The following DNAH9 variants were observed in gnomAD, a reference collection of about 807,000 sequenced individuals.
DNAH9 encodes the protein DNAH9 variant protein.
Under a neutral mutation model 471.6 loss-of-function variants are expected in DNAH9, and 345 were observed. The ratio of observed to expected loss-of-function variants is 0.73; its 90% CI spans 0.67 to 0.80. The LOEUF (loss-of-function observed/expected upper bound fraction) is 0.80, where lower values mean the gene tolerates loss of function less well. DNAH9 is among the 30% of genes least tolerant of loss of function. DNAH9 has a pLI of 0.00. For missense variants in DNAH9, 5,407 were observed against 5,609.2 expected, an observed-to-expected ratio of 0.96 and a Z score of 1.15; for synonymous variants, 2,093 against 2,123.6, an observed-to-expected ratio of 0.99 and a Z score of 0.40.
At chr17:11,726,768 G>A (rs2075159676) in intron 27 of DNAH9, among the ~76,000 whole-genome samples, 1 of 152,130 alleles carries the variant, frequency 6.6e-6, no homozygotes, top group African/African-American at 2.4e-5. Context: ...CCCACTGAAG[G>A]CTGGGCATGG....
intron 17 of DNAH9, among the ~76,000 whole-genome samples, chr17:11,670,303 C>A (rs2073952505): frequency 6.6e-6 from 1 of 152,218 alleles, no homozygotes; most frequent in African/African-American, 2.4e-5. Context: ...CTAGACCACC[C>A]AGCCCAGCAC....
chr17:11,620,037 G>A (rs1391394892), intron 6 of DNAH9: 5 of 470,698 alleles, frequency 1.1e-5, no homozygotes, highest in Non-Finnish European at 1.9e-5. Context: ...ATGGCAAAAC[G>A]CCTTCTCTAC....
intron 36 of DNAH9, among the ~76,000 whole-genome samples, chr17:11,765,872 G>A (rs75081180): frequency 0.021 from 3,167 of 152,272 alleles, 125 homozygotes; most frequent in African/African-American, 0.073. Context: ...CTGGGAAAAC[G>A]TCAGACAGCG....
At chr17:11,768,312 G>A in intron 36 of DNAH9, 141 bp from the exon 37 acceptor site, 1 of 845,372 alleles carries the variant, frequency 1.2e-6, no homozygotes, top group South Asian at 1.7e-5. Flanking sequence ...CTGCCTTCCT[G>A]GAGGAGCTGG....
At chr17:11,891,357 G>GTT (rs113389875) in intron 57 of DNAH9, among the ~76,000 whole-genome samples, 1 of 152,010 alleles carries the variant, frequency 6.6e-6, no homozygotes, top group African/African-American at 2.4e-5. Context: ...CATTTCTTTG[G>GTT]TTTTTTTTGT....
intron 67 of DNAH9, among the ~76,000 whole-genome samples, chr17:11,944,793 C>T (rs192156810): frequency 3.3e-5 from 5 of 152,184 alleles, no homozygotes; most frequent in East Asian, 3.9e-4. Context: ...CCTGGAAGTC[C>T]GTAATGTTTC....
rs544568843 is a variant in DNAH9 at position 11,879,858 on chromosome 17, C to T, written c.10479-220C>T. 3.3e-5 allele frequency among the ~76,000 whole-genome samples: 5 copies of T among 152,250 alleles called. No individual in the cohort carries two copies. In the South Asian group the frequency reaches 6.2e-4, roughly 19 times the overall value. ...GAAGACACATTATGGTTTTCATTAT[C>T]TTTTTTGTATTTTATAATTTCTCCC... On this transcript the variant is annotated intron_variant, in intron 53 of 68. Coordinates refer to ENST00000262442, the MANE Select transcript of DNAH9 (RefSeq NM_001372.4).
chr17:11,926,035 G>GAAA (rs71142253), intron 62 of DNAH9, among the ~76,000 whole-genome samples: 1,127 of 59,974 alleles, frequency 0.019, 128 homozygotes, highest in African/African-American at 0.026. Context: ...GAGATTCTCT[G>GAAA]AAAAAAAAAA....
chr17:11,786,530 A>G (rs1477019174), intron 41 of DNAH9, among the ~76,000 whole-genome samples: 2 of 152,206 alleles, frequency 1.3e-5, no homozygotes, highest in Non-Finnish European at 2.9e-5. Context: ...CTTTACATCT[A>G]TGAATGCACT....
intron 45 of DNAH9, among the ~76,000 whole-genome samples, chr17:11,816,173 G>A (rs190840701): frequency 6.6e-6 from 1 of 152,164 alleles, no homozygotes; most frequent in Non-Finnish European, 1.5e-5. Flanking sequence ...GTATTGAAAC[G>A]AGATTGTAAA....
At chr17:11,680,935 C>CTT in intron 19 of DNAH9, 46 bp downstream of exon 19, 2 of 1,524,522 alleles carry the variant, frequency 1.3e-6, no homozygotes, top group Non-Finnish European at 1.8e-6. Flanking sequence ...ACACTGCAGT[C>CTT]TTTGAGTCAT....
At chr17:11,827,121 G>A (rs993683773) in intron 48 of DNAH9, among the ~76,000 whole-genome samples, 6 of 152,000 alleles carry the variant, frequency 3.9e-5, no homozygotes, top group South Asian at 2.1e-4. Flanking sequence ...CACCATGCCT[G>A]GCCGAGTCCC....
intron 68 of DNAH9, among the ~76,000 whole-genome samples, chr17:11,968,606 T>A (rs1211962002): frequency 6.6e-6 from 1 of 152,242 alleles, no homozygotes; most frequent in Non-Finnish European, 1.5e-5. Flanking sequence ...TGTGGTAGTG[T>A]ATGTTGTAAA....
intron 15 of DNAH9, among the ~76,000 whole-genome samples, chr17:11,666,596 T>C (rs1464728154): frequency 6.6e-6 from 1 of 152,146 alleles, no homozygotes; most frequent in Non-Finnish European, 1.5e-5. Context: ...AGATAAAATT[T>C]GAAAGGCACT....
At chr17:11,849,030 G>T (rs958556265) in intron 49 of DNAH9, among the ~76,000 whole-genome samples, 1 of 152,098 alleles carries the variant, frequency 6.6e-6, no homozygotes, top group African/African-American at 2.4e-5. Context: ...TAGAGACAGG[G>T]TTTCACCGTG....
intron 42 of DNAH9, 57 bp downstream of exon 42, chr17:11,793,721 A>C: frequency 1.6e-6 from 2 of 1,277,640 alleles, no homozygotes; most frequent in South Asian, 1.5e-5. Flanking sequence ...ATAATTATAC[A>C]GATGATCACC....
At chr17:11,628,576 G>A (rs1057491074) in intron 6 of DNAH9, among the ~76,000 whole-genome samples, 1 of 152,194 alleles carries the variant, frequency 6.6e-6, no homozygotes, top group Non-Finnish European at 1.5e-5. Flanking sequence ...CACGCCCAGC[G>A]AGGGCGCCCT....
intron 65 of DNAH9, among the ~76,000 whole-genome samples, chr17:11,934,480 C>T (rs1451352884): frequency 1.8e-5 from 2 of 112,396 alleles, no homozygotes; most frequent in East Asian, 5.8e-4. Context: ...GAGTCTTGCT[C>T]TGGCGCCCAG....
chr17:11,763,950 G>A (rs1567784778), intron 36 of DNAH9, among the ~76,000 whole-genome samples: 1 of 152,182 alleles, frequency 6.6e-6, no homozygotes, highest in Non-Finnish European at 1.5e-5. Context: ...TGTGGAGAGA[G>A]GGGTGGAAGG....
Sources: gnomAD v4.1 joint callset for allele counts (sites outside exome capture counted in the v4.1 genomes callset) on GRCh38, gnomAD v4.1.1 for gene constraint, MANE v1.5 for transcripts, NCBI Gene and HGNC (gene_info 2026-07-23, HGNC 2026-07-21) for gene names.